Variants in FAM13A observed in about 807,000 individuals in gnomAD.
FAM13A encodes family with sequence similarity 13 member A.
FAM13A carries 76 observed loss-of-function variants against 129.6 expected under a neutral mutation model. The observed-to-expected ratio is 0.59, with a 90% CI of 0.49 to 0.71. The LOEUF (loss-of-function observed/expected upper bound fraction) is 0.71, where lower values mean the gene tolerates loss of function less well. Ranked by LOEUF, FAM13A falls within the 30% of genes least tolerant of loss-of-function variation. The pLI, the probability that FAM13A is intolerant of heterozygous loss-of-function variation, is 0.00. For synonymous variants in FAM13A, 443 were observed against 449.9 expected (o/e 0.98, Z 0.20); for missense variants, 1,108 against 1,249.3 (o/e 0.89, Z 1.70).
chr4:88,816,415 G>C (rs1561070935), intron 7 of FAM13A, among the ~76,000 whole-genome samples: 1 of 152,142 alleles, frequency 6.6e-6, no homozygotes, highest in Non-Finnish European at 1.5e-5. Flanking sequence ...GTCGACAATA[G>C]TGTTCTGATA....
At chr4:88,986,654 T>C (rs1762281471) in intron 4 of FAM13A, among the ~76,000 whole-genome samples, 1 of 152,236 alleles carries the variant, frequency 6.6e-6, no homozygotes, top group Non-Finnish European at 1.5e-5. Context: ...TACTCAGTGG[T>C]TTCCCTGATG....
intron 3 of FAM13A, among the ~76,000 whole-genome samples, chr4:89,004,999 ATTAT>A (rs1478271659): frequency 1.3e-5 from 2 of 151,152 alleles, no homozygotes; most frequent in East Asian, 1.9e-4. Context: ...TTTGGTACAG[ATTAT>A]TTAGTCACCC....
chr4:88,790,467 T>C, intron 9 of FAM13A, 119 bp downstream of exon 9: 1 of 795,284 alleles, frequency 1.3e-6, no homozygotes, highest in Admixed American at 2.4e-5. Flanking sequence ...GGCTGCTTAT[T>C]ATCTGAATTT....
At chr4:88,873,291 G>T (rs1435750100) in intron 6 of FAM13A, among the ~76,000 whole-genome samples, 2 of 152,134 alleles carry the variant, frequency 1.3e-5, no homozygotes, top group African/African-American at 4.8e-5. Context: ...ACTAAAATCA[G>T]AGCAGAACTG....
chr4:88,956,860 AGTTTG>A (rs1164598230), intron 4 of FAM13A, among the ~76,000 whole-genome samples: 14 of 152,142 alleles, frequency 9.2e-5, no homozygotes, highest in African/African-American at 3.4e-4. Flanking sequence ...CTTATAATAC[AGTTTG>A]GATTGTCCCC....
chr4:88,772,238 C>T (rs967557521), intron 11 of FAM13A, among the ~76,000 whole-genome samples: 8 of 152,104 alleles, frequency 5.3e-5, no homozygotes, highest in African/African-American at 1.9e-4. Flanking sequence ...GATAGAGTCT[C>T]GTTAAGAAAG....
intron 6 of FAM13A, among the ~76,000 whole-genome samples, chr4:88,898,826 C>T (rs1230847211): frequency 6.6e-6 from 1 of 151,902 alleles, no homozygotes; most frequent in Admixed American, 6.6e-5. Flanking sequence ...CTGGTGGGAA[C>T]GTAAACTAGT....
intron 7 of FAM13A, among the ~76,000 whole-genome samples, chr4:88,813,753 C>A (rs1730116203): frequency 6.6e-6 from 1 of 152,150 alleles, no homozygotes; most frequent in Admixed American, 6.6e-5. Context: ...AAAAATGGGT[C>A]AAGGCTTGTT....
intron 4 of FAM13A, among the ~76,000 whole-genome samples, chr4:88,953,141 A>G (rs1378896119): frequency 6.6e-6 from 1 of 151,754 alleles, no homozygotes; most frequent in Admixed American, 6.6e-5. Context: ...ATTTTAGAAC[A>G]TTTTCATTAC....
At chr4:88,967,156 G>C (rs1759463656) in intron 4 of FAM13A, among the ~76,000 whole-genome samples, 1 of 152,148 alleles carries the variant, frequency 6.6e-6, no homozygotes, top group South Asian at 2.1e-4. Flanking sequence ...AACAGTACCT[G>C]ACATAACAAT....
intron 6 of FAM13A, among the ~76,000 whole-genome samples, chr4:88,861,226 C>T (rs1284301609): frequency 6.6e-6 from 1 of 151,734 alleles, no homozygotes; most frequent in African/African-American, 2.4e-5. Context: ...ACTAAAAATA[C>T]AAAAATTAGC....
chr4:88,986,711 T>C (rs891724831), intron 4 of FAM13A, among the ~76,000 whole-genome samples: 19 of 152,256 alleles, frequency 1.2e-4, no homozygotes, highest in African/African-American at 4.1e-4. Context: ...CATTTTATTA[T>C]GTTGTGGAGA....
At chr4:88,811,441 C>T (rs1729649501) in intron 7 of FAM13A, among the ~76,000 whole-genome samples, 1 of 152,104 alleles carries the variant, frequency 6.6e-6, no homozygotes, top group Admixed American at 6.6e-5. Flanking sequence ...AAATATTATA[C>T]TTACAGAAAA....
chr4:88,963,434 A>C (rs1476804013), intron 4 of FAM13A, among the ~76,000 whole-genome samples: 1 of 151,756 alleles, frequency 6.6e-6, no homozygotes, highest in African/African-American at 2.4e-5. Context: ...GGTAGCTAGG[A>C]TTATAGGCAC....
At position 88,920,458 on chromosome 4, in the gene FAM13A, T is replaced by C. The variant is rs1307453136; in HGVS notation, c.760-13996A>G. Reference sequence around the variant, plus strand: ...GCAAACAGGGTCTGGAGTGGACCTCTAGCAAACTCCAACAGACCTGCAGCT... The same window carrying C: ...GCAAACAGGGTCTGGAGTGGACCTCCAGCAAACTCCAACAGACCTGCAGCT... On this transcript the variant is annotated intron_variant, in intron 5 of 23. Coordinates refer to ENST00000264344, the MANE Select transcript of FAM13A (RefSeq NM_014883.4). 5.9e-5 allele frequency among the ~76,000 whole-genome samples: 9 copies of C among 152,294 alleles called. No homozygotes were observed. The East Asian group carries it at 1.4e-3, about 23-fold the overall frequency.
chr4:88,945,990 G>GTATGTATATATA (rs1553901196), intron 4 of FAM13A, among the ~76,000 whole-genome samples: 3 of 61,962 alleles, frequency 4.8e-5, no homozygotes, highest in Admixed American at 1.7e-4. Flanking sequence ...GTGTGTGTGT[G>GTATGTATATATA]TATATATATA....
chr4:88,829,942 T>G (rs947153412), intron 7 of FAM13A, among the ~76,000 whole-genome samples: 1 of 152,244 alleles, frequency 6.6e-6, no homozygotes, highest in Non-Finnish European at 1.5e-5. Flanking sequence ...TTATCCTTAC[T>G]GATATACATA....
intron 2 of FAM13A, among the ~76,000 whole-genome samples, chr4:89,024,778 A>T (rs1163455053): frequency 1.3e-5 from 2 of 152,190 alleles, no homozygotes; most frequent in African/African-American, 2.4e-5. Context: ...CAAATACAAG[A>T]AGGGGCTTGT....
chr4:88,969,579 T>C (rs1200473715), intron 4 of FAM13A, among the ~76,000 whole-genome samples: 2 of 152,344 alleles, frequency 1.3e-5, no homozygotes, highest in Admixed American at 6.5e-5. Context: ...ATCTATTCTA[T>C]TTCTGGAACA....
Sources: gnomAD v4.1 joint callset for allele counts (sites outside exome capture counted in the v4.1 genomes callset) on GRCh38, gnomAD v4.1.1 for gene constraint, MANE v1.5 for transcripts, NCBI Gene and HGNC (gene_info 2026-07-23, HGNC 2026-07-21) for gene names.